Variants in NT5DC4 observed in about 807,000 individuals in gnomAD.
NT5DC4 encodes 5'-nucleotidase domain containing 4.
A neutral mutation model predicts 26.6 loss-of-function variants in NT5DC4; 44 were observed. The observed-to-expected ratio is 1.65, with a 90% CI of 1.30 to 2.13. The LOEUF (loss-of-function observed/expected upper bound fraction) is 2.13. Among genes scored for constraint, NT5DC4 ranks in the 30% most tolerant of loss-of-function variants. NT5DC4 has a pLI of 0.00. For synonymous variants in NT5DC4, 157 were observed against 86.7 expected (o/e 1.81, Z -4.51); for missense variants, 399 against 228.1 (o/e 1.75, Z -4.83).
At chr2:112,740,703 A>G, downstream of NT5DC4, 1 of 790,792 alleles carries the variant, frequency 1.3e-6, no homozygotes, top group Non-Finnish European at 2.1e-6. Flanking sequence ...TGACTCTGGC[A>G]GCACCTTCCT....
Position 112,721,866 on chromosome 2 carries a change from C to T in NT5DC4, c.123C>T (p.Gly41=), listed in dbSNP as rs776079778. Residue 41 remains glycine, a synonymous_variant, in exon 2 of 17, where the codon GGC becomes GGT. Transcript: ENST00000688554. ...CGCTGGGGAAGATTCGTTGCTTTGG[C>T]TTCGACATGGACTACACTCTGGCTG... ...SLALGKIRCF[G]FDMDYTLAAY... is the part of the protein sequence containing the mutation. The T allele has an allele frequency of 2.8e-6, 2 of 717,274 alleles. No homozygotes were observed. Among genetic ancestry groups the T allele is most frequent in the Non-Finnish European group, 5.2e-6 (2 of 385,108 alleles). The allele number at this position is 717,274 out of a possible 1,614,324, so 44.4% of individuals were successfully genotyped here. A position where few individuals can be genotyped will look rare whatever the true frequency, so the allele number is the denominator to read the frequency against.
downstream of NT5DC4, among the ~76,000 whole-genome samples, chr2:112,741,863 C>T (rs376639423): frequency 8.6e-5 from 13 of 150,970 alleles, no homozygotes; most frequent in African/African-American, 2.4e-4. Context: ...TGGGTTCAAA[C>T]GATTCTCCTG....
chr2:112,719,604 G>C (rs1365826543), upstream of NT5DC4, among the ~76,000 whole-genome samples: 3 of 147,318 alleles, frequency 2.0e-5, no homozygotes, highest in Non-Finnish European at 3.0e-5. Context: ...TCCCACCTCA[G>C]CCTCCTGAGT....
At chr2:112,734,169 A>G (rs868133267) in intron 16 of NT5DC4, among the ~76,000 whole-genome samples, 310 of 134,868 alleles carry the variant, frequency 2.3e-3, no homozygotes, top group African/African-American at 4.7e-3. Flanking sequence ...TATTATATAT[A>G]TGTGTGTGTG....
intron 16 of NT5DC4, among the ~76,000 whole-genome samples, chr2:112,733,669 T>C (rs1181331059): frequency 2.0e-5 from 3 of 152,194 alleles, no homozygotes; most frequent in Non-Finnish European, 4.4e-5. Context: ...GGCAGTAGAT[T>C]AGCATTGGGC....
chr2:112,723,251 T>TTA (rs1364362937), intron 7 of NT5DC4, 77 bp downstream of exon 7: 2 of 715,496 alleles, frequency 2.8e-6, no homozygotes, highest in Non-Finnish European at 5.2e-6. Flanking sequence ...AGGCCTCCAG[T>TTA]CCCCATAGCG....
chr2:112,720,791 G>A (rs991060600), upstream of NT5DC4, among the ~76,000 whole-genome samples: 9 of 152,172 alleles, frequency 5.9e-5, no homozygotes, highest in Admixed American at 5.2e-4. Flanking sequence ...TCTCCAGGCC[G>A]CTGAGGTCCA....
At chr2:112,720,000 T>C (rs1465054681), upstream of NT5DC4, among the ~76,000 whole-genome samples, 1 of 141,062 alleles carries the variant, frequency 7.1e-6, no homozygotes, top group African/African-American at 2.8e-5. Flanking sequence ...TTCTTTTCTT[T>C]TCTTTTCTTT....
In NT5DC4 at chr2:112,738,960, G is replaced by C; in HGVS notation, c.*24G>C. 6.2e-7 allele frequency: 1 copy of C among 1,614,118 alleles called. No homozygotes were observed. The highest frequency in any genetic ancestry group is 8.5e-7 in the Non-Finnish European group (1 of 1,180,018). ...AAATCGTGTTCCTGCAGCATTTCTGGGTAGCGGGACACTGCTCGCTCAATC... is the reference window on the plus strand; with the variant it reads ...AAATCGTGTTCCTGCAGCATTTCTGCGTAGCGGGACACTGCTCGCTCAATC... On this transcript the variant is annotated 3_prime_UTR_variant, in exon 17 of 17. Coordinates refer to ENST00000688554, the MANE Select transcript of NT5DC4 (RefSeq NM_001393655.1).
intron 16 of NT5DC4, among the ~76,000 whole-genome samples, chr2:112,732,152 C>T (rs1382591388): frequency 6.6e-6 from 1 of 152,106 alleles, no homozygotes; most frequent in Non-Finnish European, 1.5e-5. Context: ...CTCAAGTGAT[C>T]CGCCTGCCTC....
intron 15 of NT5DC4, 33 bp from the exon 16 acceptor site, chr2:112,729,594 G>A: frequency 1.4e-6 from 1 of 717,578 alleles, no homozygotes; most frequent in Non-Finnish European, 2.6e-6. Context: ...CCGGGACGGA[G>A]TGCTTCACCT....
At chr2:112,731,340 G>A (rs7575257) in intron 16 of NT5DC4, 1 of 152,004 alleles carries the variant, frequency 6.6e-6, no homozygotes, top group Non-Finnish European at 1.5e-5. Flanking sequence ...GTTTGGAAAC[G>A]TGTGCACAAG....
At chr2:112,719,962 C>CTTTCTT (rs1676721729), upstream of NT5DC4, among the ~76,000 whole-genome samples, 1 of 112,330 alleles carries the variant, frequency 8.9e-6, no homozygotes, top group African/African-American at 3.9e-5. Flanking sequence ...TTCTTTCTTT[C>CTTTCTT]TTTCTTTCTT....
chr2:112,723,374 C>CACACAT (rs1677213715), intron 7 of NT5DC4, 44 bp from the exon 8 acceptor site: 3 of 709,906 alleles, frequency 4.2e-6, no homozygotes, highest in Non-Finnish European at 7.9e-6. Context: ...CACACACACA[C>CACACAT]ACACACACAC....
At chr2:112,721,354 T>TCCTCTTCA in intron 1 of NT5DC4, 1 of 653,258 alleles carries the variant, frequency 1.5e-6, no homozygotes, top group Non-Finnish European at 2.8e-6. Context: ...CGGCGGGAGG[T>TCCTCTTCA]CCTCTTCACT....
downstream of NT5DC4, among the ~76,000 whole-genome samples, chr2:112,741,919 A>G (rs556761843): frequency 2.7e-5 from 4 of 147,012 alleles, no homozygotes; most frequent in East Asian, 4.0e-4. Flanking sequence ...CACCACCACA[A>G]CTGGCTAATT....
intron 12 of NT5DC4, 54 bp downstream of exon 12, chr2:112,725,294 T>C (rs933671760): frequency 2.9e-6 from 2 of 694,386 alleles, no homozygotes; most frequent in African/African-American, 3.5e-5. Context: ...TTCCCTCGAC[T>C]AGGAGCCCAG....
rs1453627773 is a variant in NT5DC4, at chr2:112,723,887, TGG to T, written c.756+88_756+89del. On this transcript the variant is annotated intron_variant, in intron 9 of 16. Coordinates refer to ENST00000688554, the MANE Select transcript of NT5DC4 (RefSeq NM_001393655.1). ...TGGCACTGCAAGCAACAGGGAGGGG[TGG>T]GGCGGGGAGCCAAGACCCTCCTACC... is the stretch of plus-strand genomic sequence containing the variant. The T allele has an allele frequency of 4.8e-6, 3 of 621,966 alleles. No homozygotes were observed. In the Admixed American group the frequency reaches 6.7e-5, roughly 14 times the overall value. 38.5% of individuals were successfully genotyped at this position (621,966 alleles called of 1,614,324 possible).
At chr2:112,721,619 C>T (rs936708809) in intron 1 of NT5DC4, 199 bp from the exon 2 acceptor site, 1 of 717,274 alleles carries the variant, frequency 1.4e-6, no homozygotes, top group South Asian at 1.5e-5. Context: ...CACATGCTTA[C>T]ATGCACACTC....
Sources: allele counts gnomAD v4.1 joint callset (sites outside exome capture counted in the v4.1 genomes callset), GRCh38; gene constraint gnomAD v4.1.1; transcripts MANE v1.5; gene names NCBI Gene and HGNC (gene_info 2026-07-23, HGNC 2026-07-21).